The following DAG1 variants were observed in gnomAD, a reference collection of about 807,000 sequenced individuals.
DAG1 encodes dystroglycan 1, also known as dystroglycan 1 (dystrophin-associated glycoprotein 1).
DAG1 carries 8 observed loss-of-function variants against 46.1 expected under a neutral mutation model. That is an observed-to-expected ratio of 0.17 (90% CI 0.10 to 0.31). The LOEUF (loss-of-function observed/expected upper bound fraction) is 0.31. DAG1 is among the 10% of genes least tolerant of loss of function. The probability of loss-of-function intolerance (pLI) is 1.00; values close to 1 mark genes in which losing one functional copy is unlikely to be tolerated. For synonymous variants in DAG1, 495 were observed against 481.8 expected, an observed-to-expected ratio of 1.03 and a Z score of -0.36; for missense variants, 1,003 against 1,189.9, an observed-to-expected ratio of 0.84 and a Z score of 2.31.
At chr3:49,523,103 C>T (rs917306628) in intron 2 of DAG1, among the ~76,000 whole-genome samples, 1 of 141,886 alleles carries the variant, frequency 7.0e-6, no homozygotes, top group African/African-American at 2.6e-5. Context: ...TGCCTCTTTT[C>T]TGCCCTTCCT....
At chr3:49,484,583 C>T in intron 1 of DAG1, among the ~76,000 whole-genome samples, 1 of 152,122 alleles carries the variant, frequency 6.6e-6, no homozygotes. Context: ...CCCTGAGCTG[C>T]CTGTGCCCTT....
chr3:49,497,043 T>C (rs1253370197), intron 1 of DAG1, among the ~76,000 whole-genome samples: 2 of 152,076 alleles, frequency 1.3e-5, no homozygotes, highest in Admixed American at 6.6e-5. Context: ...CTTGTCCCTA[T>C]AGTCCCAGTG....
chr3:49,524,023 C>T (rs1237175279), intron 2 of DAG1, among the ~76,000 whole-genome samples: 1 of 152,202 alleles, frequency 6.6e-6, no homozygotes, highest in Admixed American at 6.5e-5. Flanking sequence ...TCCTGTTTCA[C>T]CCTTAGGATC....
intron 2 of DAG1, among the ~76,000 whole-genome samples, chr3:49,517,215 G>A (rs1214457451): frequency 6.6e-6 from 1 of 151,700 alleles, no homozygotes; most frequent in East Asian, 1.9e-4. Context: ...GGATGGTCTC[G>A]ATCTCCTGAC....
At chr3:49,497,202 C>T (rs1186818717) in intron 1 of DAG1, among the ~76,000 whole-genome samples, 2 of 151,692 alleles carry the variant, frequency 1.3e-5, no homozygotes, top group African/African-American at 2.4e-5. Context: ...TTTGGGAGGC[C>T]GAGGTGGGTA....
chr3:49,532,761 C>T lies in DAG1; in HGVS notation c.2250C>T (p.Tyr750=), dbSNP rs746397212. Residue 750 remains tyrosine, a synonymous_variant, in exon 3 of 3, where the codon TAC becomes TAT. Coordinates refer to ENST00000308775, the MANE Select transcript of DAG1 (RefSeq NM_004393.6). This position sits in a 1 kb window ranked among gnomAD's most constrained non-coding sequence, Gnocchi z 5.4. Reference sequence around the variant, plus strand: ...AGAAGAGCAGTGAGGATGATGTCTACCTGCACACAGTCATTCCGGCCGTGG... The same window carrying T: ...AGAAGAGCAGTGAGGATGATGTCTATCTGCACACAGTCATTCCGGCCGTGG... ...DPEKSSEDDV[Y]LHTVIPAVVV... The T allele has an allele frequency of 3.7e-6, 6 of 1,614,140 alleles. 1 individual carries two copies. The South Asian group carries it at 6.6e-5, about 18-fold the overall frequency.
intron 1 of DAG1, among the ~76,000 whole-genome samples, chr3:49,486,548 T>C (rs2050033283): frequency 6.9e-6 from 1 of 145,970 alleles, no homozygotes; most frequent in African/African-American, 2.6e-5. Flanking sequence ...AGAGTCTCAC[T>C]CTGGAGTGTA....
intron 2 of DAG1, among the ~76,000 whole-genome samples, chr3:49,525,857 CTT>C (rs1347060645): frequency 1.4e-5 from 2 of 138,564 alleles, no homozygotes; most frequent in African/African-American, 2.7e-5. Flanking sequence ...CGCGCTCGGC[CTT>C]TTTTTTTTTG....
chr3:49,506,153 G>A (rs1213386678), intron 1 of DAG1, among the ~76,000 whole-genome samples: 2 of 149,700 alleles, frequency 1.3e-5, no homozygotes, highest in African/African-American at 4.9e-5. Flanking sequence ...CTAATTTTTT[G>A]TATTTAGTAG....
chr3:49,482,179 A>G (rs1165241604), intron 1 of DAG1, among the ~76,000 whole-genome samples: 1 of 152,142 alleles, frequency 6.6e-6, no homozygotes, highest in Admixed American at 6.6e-5. Context: ...AGTCTCAATA[A>G]ACTGGGGACA....
chr3:49,509,752 C>T (rs924403698), intron 1 of DAG1, among the ~76,000 whole-genome samples: 7 of 150,940 alleles, frequency 4.6e-5, no homozygotes, highest in South Asian at 2.1e-4. Context: ...TTTTTGAGGT[C>T]GAGTCTCACT....
rs899510747 is a variant in DAG1, at chr3:49,470,326, G to A, written c.-224G>A. The A allele has an allele frequency of 5.2e-5, 8 of 152,602 alleles. No individual in the cohort carries two copies. Among genetic ancestry groups the A allele is most frequent in the Admixed American group, 3.9e-4 (6 of 15,280 alleles). The allele number at this position is 152,602 out of a possible 1,614,324, so 9.5% of individuals were successfully genotyped here. A position where few individuals can be genotyped will look rare whatever the true frequency, so the allele number is the denominator to read the frequency against. The stretch of plus-strand genomic sequence containing the variant: ...GCGGCGCTCGCGCCTCTTAGGCTTG[G>A]CGGTGGCGGCGGCGGCAGCTTCGCG... On this transcript the variant is annotated 5_prime_UTR_variant, in exon 1 of 3. Coordinates refer to ENST00000308775, the MANE Select transcript of DAG1 (RefSeq NM_004393.6).
intron 1 of DAG1, chr3:49,470,674 G>T (rs553384753): frequency 6.6e-6 from 1 of 152,342 alleles, no homozygotes; most frequent in South Asian, 2.1e-4. Flanking sequence ...CGCGCGCCGC[G>T]GCGATGGGCC....
Position 49,512,174 on chromosome 3 carries a change from G to A in DAG1, c.285+1355G>A, listed in dbSNP as rs546745798. On this transcript the variant is annotated intron_variant, in intron 2 of 2. Transcript: ENST00000308775. ...AGCCTCCCAAGTAGCTGGGACTACAGGTGTGCACCACCACACCCAGCTAAT... is the reference window on the plus strand; with the variant it reads ...AGCCTCCCAAGTAGCTGGGACTACAAGTGTGCACCACCACACCCAGCTAAT... 2.8e-3 allele frequency among the ~76,000 whole-genome samples: 433 copies of A among 151,976 alleles called. 1 individual carries two copies. Among genetic ancestry groups the A allele is most frequent in the Non-Finnish European group, 4.8e-3 (325 of 67,976 alleles).
rs369458042 is a variant in DAG1, at chr3:49,531,947, G to A, written c.1436G>A (p.Arg479His). ...TRLETASPPT[R>H]IRTTTSGVPR... Reference sequence around the variant, plus strand: ...TTGGAAACTGCCTCACCGCCTACTCGTATTCGCACCACCACCAGTGGAGTG... The same window carrying A: ...TTGGAAACTGCCTCACCGCCTACTCATATTCGCACCACCACCAGTGGAGTG... The change falls in exon 3 of 3, where the codon CGT (arginine) becomes CAT (histidine). Residue 479 changes from arginine (R) to histidine (H), a missense_variant. By Grantham distance (29) the Arg-to-His change is conservative (BLOSUM62 0). Around this residue, in one of 3 missense-constraint regions of DAG1, gnomAD observed 755 missense variants for 854.1 expected, o/e 0.88. Transcript: ENST00000308775. The surrounding 1 kb of genome is among the most constrained non-coding windows in gnomAD (Gnocchi z 7.0). The A allele has an allele frequency of 1.4e-5, 22 of 1,614,014 alleles. No homozygotes were observed. Among genetic ancestry groups the A allele is most frequent in the South Asian group, 2.2e-5 (2 of 91,078 alleles).
intron 1 of DAG1, among the ~76,000 whole-genome samples, chr3:49,475,370 C>G (rs908995900): frequency 2.7e-5 from 4 of 150,688 alleles, no homozygotes; most frequent in African/African-American, 4.9e-5. Flanking sequence ...TTCCAAAGTG[C>G]TGGGATTACA....
chr3:49,479,245 C>T (rs565910792), intron 1 of DAG1, among the ~76,000 whole-genome samples: 1 of 152,174 alleles, frequency 6.6e-6, no homozygotes, highest in Non-Finnish European at 1.5e-5. Flanking sequence ...AGTTGTGATC[C>T]CCCCTGATTC....
In DAG1 at chr3:49,532,239, C is replaced by A. The variant is rs1360231774; in HGVS notation, c.1728C>A (p.Phe576Leu). ...DSSHVGKHEYFMHATDKGGLS... is the reference protein window; with the variant it reads ...DSSHVGKHEYLMHATDKGGLS... ...GCCACGTGGGCAAACACGAGTATTT[C>A]ATGCATGCCACAGACAAGGGGGGCC... The change falls in exon 3 of 3, where the codon TTC becomes TTA. Residue 576 changes from phenylalanine to leucine, a missense_variant. By Grantham distance (22) the Phe-to-Leu change is conservative. This residue lies in a region of DAG1 where 755 missense variants were observed against 854.1 expected (regional missense o/e 0.88). Coordinates refer to ENST00000308775, the MANE Select transcript of DAG1 (RefSeq NM_004393.6). The surrounding 1 kb of genome is among the most constrained non-coding windows in gnomAD (Gnocchi z 5.4). The A allele has an allele frequency of 1.2e-6, 2 of 1,613,858 alleles. No homozygotes were observed. Among genetic ancestry groups the A allele is most frequent in the African/African-American group, 2.7e-5 (2 of 74,940 alleles).
At position 49,533,324 on chromosome 3, in the gene DAG1, T is replaced by C; in HGVS notation, c.*125T>C. On this transcript the variant is annotated 3_prime_UTR_variant, in exon 3 of 3. Transcript: ENST00000308775. ...AGCCGACACCTGACCTAGCACACAC[T>C]GACACAGGGGCCTGGACAAGCCCGC... The C allele has an allele frequency of 7.0e-7, 1 of 1,419,856 alleles. No individual in the cohort carries two copies. The highest frequency in any genetic ancestry group is 9.6e-7 in the Non-Finnish European group (1 of 1,038,710). 88.0% of individuals were successfully genotyped at this position (1,419,856 alleles called of 1,614,324 possible).
Sources: allele counts gnomAD v4.1 joint callset (sites outside exome capture counted in the v4.1 genomes callset), GRCh38; gene constraint gnomAD v4.1.1; regional missense constraint gnomAD v4.1.1; non-coding constraint Gnocchi (gnomAD v3.1); transcripts MANE v1.5; gene names NCBI Gene and HGNC (gene_info 2026-07-23, HGNC 2026-07-21).